Variants in SORCS3 observed in about 807,000 individuals in gnomAD.
SORCS3 encodes the protein sortilin related VPS10 domain containing receptor 3.
A neutral mutation model predicts 146.3 loss-of-function variants in SORCS3; 57 were observed. The ratio of observed to expected loss-of-function variants is 0.39; its 90% CI spans 0.31 to 0.49. The LOEUF (loss-of-function observed/expected upper bound fraction) is 0.49. Among genes scored for constraint, SORCS3 ranks in the 20% least tolerant of loss-of-function variants. The pLI is 0.92. For missense variants in SORCS3, 1,341 were observed against 1,575.5 expected (o/e 0.85, Z 2.52); for synonymous variants, 653 against 618.5 (o/e 1.06, Z -0.83).
chr10:104,765,730 A>C (rs2017172063), intron 1 of SORCS3, among the ~76,000 whole-genome samples: 1 of 152,252 alleles, frequency 6.6e-6, no homozygotes, highest in African/African-American at 2.4e-5. Flanking sequence ...GCACTATGCC[A>C]GGAATAGTTC....
At chr10:104,969,888 G>A (rs1196068424) in intron 3 of SORCS3, among the ~76,000 whole-genome samples, 2 of 152,020 alleles carry the variant, frequency 1.3e-5, no homozygotes, top group Non-Finnish European at 2.9e-5. Context: ...ACAGAGCTAG[G>A]GGAAGAAAAT....
intron 9 of SORCS3, among the ~76,000 whole-genome samples, chr10:105,149,842 A>T (rs185768994): frequency 1.3e-5 from 2 of 152,286 alleles, no homozygotes; most frequent in East Asian, 3.9e-4. Flanking sequence ...ATATGGAATG[A>T]GGCATGAATC....
intron 3 of SORCS3, among the ~76,000 whole-genome samples, chr10:104,973,961 G>T (rs548377988): frequency 1.8e-3 from 271 of 152,234 alleles, no homozygotes; most frequent in Middle Eastern, 0.01. Flanking sequence ...GTACCCAGTA[G>T]TCATTCAGGA....
chr10:104,933,526 G>T (rs1478954499), intron 3 of SORCS3, among the ~76,000 whole-genome samples: 1 of 152,108 alleles, frequency 6.6e-6, no homozygotes, highest in African/African-American at 2.4e-5. Flanking sequence ...CCTCCTCTAA[G>T]CACAGGCCCA....
intron 5 of SORCS3, among the ~76,000 whole-genome samples, chr10:105,084,791 C>G (rs1211229835): frequency 2.7e-5 from 4 of 150,358 alleles, no homozygotes; most frequent in Non-Finnish European, 5.9e-5. Flanking sequence ...AGTGCAGTGG[C>G]GCCATCTCGG....
At chr10:104,831,664 G>A (rs1047198966) in intron 1 of SORCS3, among the ~76,000 whole-genome samples, 1 of 152,244 alleles carries the variant, frequency 6.6e-6, no homozygotes. Context: ...AAGGCATTTA[G>A]CTCAGGGCCA....
chr10:104,780,154 C>G (rs1257304098), intron 1 of SORCS3, among the ~76,000 whole-genome samples: 1 of 147,908 alleles, frequency 6.8e-6, no homozygotes, highest in African/African-American at 2.5e-5. Context: ...TTTTTTTAAG[C>G]CACAACGGAG....
At chr10:104,858,142 T>C (rs549102082) in intron 2 of SORCS3, among the ~76,000 whole-genome samples, 79 of 152,314 alleles carry the variant, frequency 5.2e-4, no homozygotes, top group African/African-American at 1.9e-3. Flanking sequence ...TCTTGTGTAA[T>C]AATTTTACTA....
chr10:104,933,746 C>A (rs750073480), intron 3 of SORCS3, among the ~76,000 whole-genome samples: 1 of 152,216 alleles, frequency 6.6e-6, no homozygotes, highest in Non-Finnish European at 1.5e-5. Context: ...GGGTCTCCCA[C>A]TGATGTGTGT....
At chr10:105,057,381 C>A (rs1293445398) in intron 5 of SORCS3, among the ~76,000 whole-genome samples, 10 of 152,092 alleles carry the variant, frequency 6.6e-5, no homozygotes, top group Non-Finnish European at 1.5e-4. Flanking sequence ...TTCACACAAG[C>A]TACATATGGG....
At chr10:105,014,155 T>C (rs1009000373) in intron 4 of SORCS3, among the ~76,000 whole-genome samples, 1 of 149,220 alleles carries the variant, frequency 6.7e-6, no homozygotes, top group African/African-American at 2.5e-5. Context: ...TATAAAAAAA[T>C]TCGCATAGCA....
Position 105,263,421 on chromosome 10 carries a change from G to A in SORCS3, c.*47G>A, listed in dbSNP as rs752012277. On this transcript the variant is annotated 3_prime_UTR_variant, in exon 27 of 27. Coordinates refer to ENST00000369701, the MANE Select transcript of SORCS3 (RefSeq NM_014978.3). ...ACCACCTTTCTGACTTTTTATTTTT[G>A]ATGATTACTATTACTATTATTATGG... The A allele has an allele frequency of 3.2e-6, 5 of 1,541,584 alleles. No individual in the cohort carries two copies. Among genetic ancestry groups the A allele is most frequent in the Non-Finnish European group, 4.5e-6 (5 of 1,115,568 alleles).
chr10:105,060,375 T>C (rs1441368872), intron 5 of SORCS3, among the ~76,000 whole-genome samples: 3 of 152,128 alleles, frequency 2.0e-5, no homozygotes, highest in Non-Finnish European at 4.4e-5. Flanking sequence ...GAAAAGAAGA[T>C]TAAAGTGATA....
intron 1 of SORCS3, among the ~76,000 whole-genome samples, chr10:104,676,349 G>A (rs915026172): frequency 5.5e-4 from 83 of 152,194 alleles, no homozygotes; most frequent in Admixed American, 2.4e-3. Flanking sequence ...GGTTATGGAT[G>A]CTTTTTACTA....
chr10:105,191,878 C>A (rs966457961), intron 14 of SORCS3, among the ~76,000 whole-genome samples: 1 of 152,166 alleles, frequency 6.6e-6, no homozygotes, highest in African/African-American at 2.4e-5. Context: ...TGCTGTGCGG[C>A]CCTGTTCCTA....
chr10:104,845,622 G>A (rs1439632104), intron 2 of SORCS3, among the ~76,000 whole-genome samples: 1 of 152,150 alleles, frequency 6.6e-6, no homozygotes, highest in Non-Finnish European at 1.5e-5. Context: ...CACCAAGCGG[G>A]TGTAGTCTGT....
chr10:105,084,972 C>T (rs1434447629), intron 5 of SORCS3, among the ~76,000 whole-genome samples: 4 of 151,990 alleles, frequency 2.6e-5, no homozygotes, highest in Non-Finnish European at 5.9e-5. Context: ...CCTCGTGATC[C>T]GCCCGACTCG....
At chr10:105,143,139 G>A (rs933888679) in intron 8 of SORCS3, among the ~76,000 whole-genome samples, 8 of 152,050 alleles carry the variant, frequency 5.3e-5, no homozygotes, top group Non-Finnish European at 1.0e-4. Flanking sequence ...GTGGCCACCT[G>A]CATGCCAAAT....
intron 19 of SORCS3, chr10:105,217,746 G>T (rs1399833020): frequency 8.9e-6 from 4 of 450,110 alleles, no homozygotes; most frequent in South Asian, 6.2e-5. Flanking sequence ...AGAACAGTTG[G>T]TGTTCCAAAA....
Sources: gnomAD v4.1 joint callset for allele counts (sites outside exome capture counted in the v4.1 genomes callset) on GRCh38, gnomAD v4.1.1 for gene constraint, MANE v1.5 for transcripts, NCBI Gene and HGNC (gene_info 2026-07-23, HGNC 2026-07-21) for gene names.